LOC400499: variants seen among roughly 807,000 people sequenced by gnomAD.
At chr16:11,475,944 G>A in the LOC400499 span, among the ~76,000 whole-genome samples, 7 of 151,974 alleles carry the variant, frequency 4.6e-5, no homozygotes, top group Non-Finnish European at 7.3e-5. Flanking sequence ...AGGACAGCAT[G>A]GCACAGGGCT....
chr16:11,446,406 C>T, the LOC400499 span: 2 of 724,500 alleles, frequency 2.8e-6, no homozygotes, highest in South Asian at 1.8e-5. Flanking sequence ...GATCTTCTCA[C>T]CTCAGCCTCC....
the LOC400499 span, chr16:11,401,914 T>G: frequency 2.5e-6 from 1 of 397,896 alleles, no homozygotes; most frequent in African/African-American, 2.1e-5. Context: ...CTTGGGGATG[T>G]GGTACAGCCT....
chr16:11,456,111 C>A, the LOC400499 span, among the ~76,000 whole-genome samples: 4 of 149,320 alleles, frequency 2.7e-5, no homozygotes, highest in South Asian at 2.1e-4. Flanking sequence ...GTGGTGTGAT[C>A]TCTGCTCACC....
chr16:11,400,042 G>C, the LOC400499 span, among the ~76,000 whole-genome samples: 1 of 137,600 alleles, frequency 7.3e-6, no homozygotes, highest in African/African-American at 2.8e-5. Context: ...CCAGGCTGGA[G>C]ACTGAAAGCA....
the LOC400499 span, chr16:11,494,684 G>C: frequency 1.5e-5 from 6 of 399,516 alleles, no homozygotes; most frequent in Non-Finnish European, 2.6e-5. Context: ...CCCGTCCAGA[G>C]AAGCACAGAG....
the LOC400499 span, among the ~76,000 whole-genome samples, chr16:11,474,657 C>T: frequency 6.7e-6 from 1 of 150,310 alleles, no homozygotes; most frequent in Non-Finnish European, 1.5e-5. Flanking sequence ...CCCAGGAGTT[C>T]GAGACCAGCC....
At chr16:11,519,949 C>A in the LOC400499 span, among the ~76,000 whole-genome samples, 1 of 152,176 alleles carries the variant, frequency 6.6e-6, no homozygotes, top group South Asian at 2.1e-4. Flanking sequence ...GTGATCCACC[C>A]GCCTCGGCCT....
chr16:11,395,018 G>A, the LOC400499 span, among the ~76,000 whole-genome samples: 1 of 152,230 alleles, frequency 6.6e-6, no homozygotes, highest in Middle Eastern at 3.2e-3. Context: ...GGAGATCCAA[G>A]TTGGTAATAG....
At chr16:11,386,461 C>T in the LOC400499 span, among the ~76,000 whole-genome samples, 1 of 152,256 alleles carries the variant, frequency 6.6e-6, no homozygotes, top group Non-Finnish European at 1.5e-5. Flanking sequence ...TTAGACATGA[C>T]TGCGCCCACG....
At chr16:11,515,939 G>A in the LOC400499 span, 5 of 367,434 alleles carry the variant, frequency 1.4e-5, no homozygotes, top group East Asian at 1.1e-4. Flanking sequence ...AGCCACTCCA[G>A]GCAGGGCCTG....
chr16:11,384,078 G>C, the LOC400499 span: 1 of 1,230,860 alleles, frequency 8.1e-7, no homozygotes, highest in Non-Finnish European at 1.0e-6. Context: ...ACTGGCCTCA[G>C]CAGGAGACTT....
the LOC400499 span, among the ~76,000 whole-genome samples, chr16:11,503,024 C>A: frequency 2.0e-5 from 3 of 150,738 alleles, no homozygotes; most frequent in Admixed American, 6.7e-5. Context: ...TGGGCTCCAG[C>A]GATCCTCCCA....
At chr16:11,430,314 C>T in the LOC400499 span, among the ~76,000 whole-genome samples, 1,016 of 152,022 alleles carry the variant, frequency 6.7e-3, 7 homozygotes, top group Non-Finnish European at 0.011. Context: ...GGTGAAACCC[C>T]GTCTCTATTA....
the LOC400499 span, chr16:11,478,071 G>C: frequency 5.1e-6 from 2 of 395,608 alleles, no homozygotes; most frequent in Admixed American, 4.4e-5. Context: ...CCAGCACTTT[G>C]GGAGGCCGAG....
the LOC400499 span, among the ~76,000 whole-genome samples, chr16:11,436,797 T>C: frequency 2.0e-5 from 3 of 151,982 alleles, no homozygotes; most frequent in African/African-American, 7.3e-5. Flanking sequence ...TTTCACCATG[T>C]TTCCCAGGTT....
the LOC400499 span, chr16:11,469,163 T>C: frequency 5.0e-6 from 2 of 399,152 alleles, no homozygotes; most frequent in Non-Finnish European, 8.8e-6. Flanking sequence ...GGGCCTAGGG[T>C]GTGGAGCAAA....
chr16:11,449,553 C>T, the LOC400499 span, among the ~76,000 whole-genome samples: 1 of 152,222 alleles, frequency 6.6e-6, no homozygotes, highest in African/African-American at 2.4e-5. Context: ...AGCCGCCACC[C>T]TGGCACAAGC....
the LOC400499 span, among the ~76,000 whole-genome samples, chr16:11,376,123 G>A: frequency 6.6e-6 from 1 of 152,302 alleles, no homozygotes; most frequent in East Asian, 1.9e-4. Context: ...CTCCTTATCA[G>A]ATATAATTTG....
chr16:11,403,245 C>G, the LOC400499 span, among the ~76,000 whole-genome samples: 1 of 152,210 alleles, frequency 6.6e-6, no homozygotes, highest in Middle Eastern at 3.2e-3. Flanking sequence ...CCCAGAGACA[C>G]TGGCACTGGC....
Sources: allele counts gnomAD v4.1 joint callset (sites outside exome capture counted in the v4.1 genomes callset), GRCh38; gene constraint gnomAD v4.1.1; transcripts MANE v1.5.